CTCFL: variants seen among roughly 807,000 people sequenced by gnomAD.
CTCFL encodes the protein CCCTC-binding factor like.
CTCFL carries 36 observed loss-of-function variants against 67.4 expected under a neutral mutation model. The observed-to-expected ratio is 0.53, with a 90% CI of 0.41 to 0.71. The LOEUF (loss-of-function observed/expected upper bound fraction) is 0.71. CTCFL is among the 30% of genes least tolerant of loss of function. The probability of loss-of-function intolerance (pLI) is 0.00; values close to 1 mark genes in which losing one functional copy is unlikely to be tolerated. For missense variants in CTCFL, 786 were observed against 835.2 expected (o/e 0.94, Z 0.73); for synonymous variants, 324 against 302.3 (o/e 1.07, Z -0.75).
rs777765193 is a variant in CTCFL at position 57,503,502 on chromosome 20, G to A, written c.1774C>T (p.Leu592=). The change falls in exon 10 of 11, where the codon CTG becomes TTG. Residue 592 remains leucine, a synonymous_variant. Coordinates refer to ENST00000243914, the MANE Select transcript of CTCFL (RefSeq NM_001386993.1). ...TTCTGACCCTTTGTGGCTTCCTTCA[G>A]GATGGTCTGCTTCCTCTTTCTTGTT... ...RRTRKRKQTI[L]KEATKGQKEA... The A allele has an allele frequency of 1.9e-6, 3 of 1,614,092 alleles. No individual in the cohort carries two copies.
intron 5 of CTCFL, among the ~76,000 whole-genome samples, chr20:57,517,802 C>G (rs916608421): frequency 1.1e-4 from 16 of 151,916 alleles, no homozygotes; most frequent in African/African-American, 3.9e-4. Flanking sequence ...TCTCGTGGAC[C>G]TAGGAAGTTT....
intron 5 of CTCFL, among the ~76,000 whole-genome samples, chr20:57,517,658 T>G (rs1343959000): frequency 2.6e-5 from 4 of 152,012 alleles, no homozygotes. Context: ...TGTCACGGGA[T>G]GGGATGAGGG....
chr20:57,518,942 T>C, intron 4 of CTCFL, 51 bp from the exon 5 acceptor site: 1 of 1,547,244 alleles, frequency 6.5e-7, no homozygotes, highest in Non-Finnish European at 8.7e-7. Context: ...ACCAGAAACA[T>C]TCCAAGGAAT....
At chr20:57,516,644 C>A (rs996748441) in intron 5 of CTCFL, among the ~76,000 whole-genome samples, 2 of 152,346 alleles carry the variant, frequency 1.3e-5, no homozygotes, top group Admixed American at 6.5e-5. Flanking sequence ...CCCTGGCTGG[C>A]CCCACAGTAA....
downstream of CTCFL, chr20:57,496,234 T>C: frequency 1.6e-6 from 1 of 636,368 alleles, no homozygotes; most frequent in Non-Finnish European, 2.9e-6. Context: ...CGCCTCCCCC[T>C]CTCTCGCTCC....
rs576142489 is a variant in CTCFL at position 57,503,586 on chromosome 20, G to A, written c.1690C>T (p.His564Tyr). ...GFSRWINLHR[H>Y]SEKCGSGEAK... Reference sequence around the variant, plus strand: ...TCCCCTGATCCACACTTCTCCGAATGTCTGTGCAGGTTAATCTGTCGGAGA... The same window carrying A: ...TCCCCTGATCCACACTTCTCCGAATATCTGTGCAGGTTAATCTGTCGGAGA... Residue 564 changes from histidine (H) to tyrosine (Y), a missense_variant, in exon 10 of 11, where the codon CAT (histidine) becomes TAT (tyrosine). His to Tyr is a moderately conservative substitution (Grantham distance 83, BLOSUM62 2). Around this residue, in one of 3 missense-constraint regions of CTCFL, gnomAD observed 199 missense variants for 196.7 expected, o/e 1.01. Transcript: ENST00000243914. 3 of 1,614,082 alleles carry A rather than the reference G, an allele frequency of 1.9e-6. No individual in the cohort carries two copies. The highest frequency in any genetic ancestry group is 1.1e-5 in the South Asian group (1 of 91,078).
intron 10 of CTCFL, 25 bp from the exon 11 acceptor site, chr20:57,498,726 A>G (rs1440429265): frequency 6.3e-7 from 1 of 1,587,896 alleles, no homozygotes; most frequent in Non-Finnish European, 8.6e-7. Context: ...CAGGATGAGC[A>G]AATTTATCAG....
chr20:57,513,023 C>A (rs1198760379), intron 7 of CTCFL, among the ~76,000 whole-genome samples: 1 of 152,164 alleles, frequency 6.6e-6, no homozygotes, highest in African/African-American at 2.4e-5. Flanking sequence ...GTGGTAAAAT[C>A]ATTCTCAGCT....
chr20:57,514,239 C>T (rs1174894317), intron 7 of CTCFL, among the ~76,000 whole-genome samples: 1 of 152,212 alleles, frequency 6.6e-6, no homozygotes, highest in East Asian at 1.9e-4. Context: ...CACCTCCTAG[C>T]ACCCTTGGTT....
In CTCFL at chr20:57,515,791, C is replaced by G; in HGVS notation, c.1103G>C (p.Arg368Pro). ...GCTGCACTGGCAACACTGAAAGGGG[C>G]GCTCCCCAGTGTGGGATCGGACATG... is the stretch of plus-strand genomic sequence containing the variant. ...KRHVRSHTGE[R>P]PFQCCQCSYA... The change falls in exon 6 of 11, where the codon CGC becomes CCC. Residue 368 changes from arginine (R) to proline (P), a missense_variant. Around this residue, in one of 3 missense-constraint regions of CTCFL, gnomAD observed 254 missense variants for 333.9 expected, o/e 0.76. Transcript: ENST00000243914. 2 of 1,614,016 alleles carry G rather than the reference C, an allele frequency of 1.2e-6. No individual in the cohort carries two copies. Among genetic ancestry groups the G allele is most frequent in the Non-Finnish European group, 1.7e-6 (2 of 1,179,988 alleles).
At chr20:57,500,289 TAAAA>T in intron 10 of CTCFL, 1 of 760,422 alleles carries the variant, frequency 1.3e-6, no homozygotes, top group Non-Finnish European at 1.8e-6. Context: ...CCATCTCTAC[TAAAA>T]ATAATAGAAC....
At position 57,515,754 on chromosome 20, in the gene CTCFL, T is replaced by C; in HGVS notation, c.1140A>G (p.Arg380=). 1.9e-6 allele frequency: 3 copies of C among 1,614,180 alleles called. No homozygotes were observed. Among genetic ancestry groups the C allele is most frequent in the Non-Finnish European group, 2.5e-6 (3 of 1,180,028 alleles). The change falls in exon 6 of 11, where the codon AGA becomes AGG. Residue 380 remains arginine, a synonymous_variant. Coordinates refer to ENST00000243914, the MANE Select transcript of CTCFL (RefSeq NM_001386993.1). ...TGTGGCGTTTCAGCTTGTAGGTATCTCTGCTGGCATAGCTGCACTGGCAAC... is the reference window on the plus strand; with the variant it reads ...TGTGGCGTTTCAGCTTGTAGGTATCCCTGCTGGCATAGCTGCACTGGCAAC... ...FQCCQCSYAS[R]DTYKLKRHMR...
At chr20:57,516,925 G>A (rs1274388318) in intron 5 of CTCFL, among the ~76,000 whole-genome samples, 1 of 152,300 alleles carries the variant, frequency 6.6e-6, no homozygotes, top group African/African-American at 2.4e-5. Context: ...GGGGGCATCA[G>A]CTACACGTGG....
chr20:57,519,987 G>A (rs953083191), intron 3 of CTCFL, among the ~76,000 whole-genome samples: 7 of 135,388 alleles, frequency 5.2e-5, no homozygotes, highest in South Asian at 2.2e-4. Context: ...TGGAGATAGT[G>A]GCCACCGTAC....
At chr20:57,524,238 G>A (rs756090118) in intron 1 of CTCFL, 22 bp from the exon 2 acceptor site, 44 of 1,590,794 alleles carry the variant, frequency 2.8e-5, no homozygotes, top group Non-Finnish European at 3.7e-5. Flanking sequence ...ATAAGCAAGC[G>A]GTTTCCATAG....
At chr20:57,515,658 GCT>G in intron 6 of CTCFL, 54 bp downstream of exon 6, 1 of 1,607,522 alleles carries the variant, frequency 6.2e-7, no homozygotes, top group Non-Finnish European at 8.5e-7. Flanking sequence ...ATTTTTTAAA[GCT>G]TGCTTTAAGA....
At chr20:57,510,258 C>A (rs906585387) in intron 8 of CTCFL, among the ~76,000 whole-genome samples, 1 of 152,110 alleles carries the variant, frequency 6.6e-6, no homozygotes, top group Non-Finnish European at 1.5e-5. Context: ...CTCTGAAGAG[C>A]TTTTATGTAT....
Position 57,503,446 on chromosome 20 carries a change from C to A in CTCFL, c.1830G>T (p.Ala610=), listed in dbSNP as rs139664564. The A allele has an allele frequency of 1.2e-6, 2 of 1,614,146 alleles. No homozygotes were observed. Residue 610 remains alanine (A), a synonymous_variant, in exon 10 of 11, where the codon GCG becomes GCT. Transcript: ENST00000243914. ...GCGTAAAATCAGTACCGTCTCCGTT[C>A]GCGGCTTCCTTCCATCCCTTCGCAG... is the stretch of plus-strand genomic sequence containing the variant. ...KEAAKGWKEA[A]NGDEAAAEEA...
chr20:57,498,835 T>C (rs2067772509), intron 10 of CTCFL, 134 bp from the exon 11 acceptor site: 3 of 750,200 alleles, frequency 4.0e-6, no homozygotes, highest in South Asian at 3.6e-5. Flanking sequence ...AACAATCTAA[T>C]TGATAAGATG....
Sources: allele counts gnomAD v4.1 joint callset (sites outside exome capture counted in the v4.1 genomes callset), GRCh38; gene constraint gnomAD v4.1.1; regional missense constraint gnomAD v4.1.1; transcripts MANE v1.5; gene names NCBI Gene and HGNC (gene_info 2026-07-23, HGNC 2026-07-21).